Variants in ASIC2 observed in about 807,000 individuals in gnomAD.
The protein encoded by ASIC2 is acid sensing ion channel subunit 2, also known as acid-sensing ion channel 2.
A neutral mutation model predicts 57.3 loss-of-function variants in ASIC2; 25 were observed. The observed-to-expected ratio is 0.44, with a 90% CI of 0.32 to 0.61. The LOEUF (loss-of-function observed/expected upper bound fraction) is 0.61. ASIC2 is among the 20% of genes least tolerant of loss of function. The pLI, the probability that ASIC2 is intolerant of heterozygous loss-of-function variation, is 0.06. For missense variants in ASIC2, 641 were observed against 738.1 expected (o/e 0.87, Z 1.52); for synonymous variants, 319 against 307.5 (o/e 1.04, Z -0.39).
At chr17:33,262,148 T>C (rs921358232) in intron 1 of ASIC2, among the ~76,000 whole-genome samples, 2 of 152,226 alleles carry the variant, frequency 1.3e-5, no homozygotes, top group African/African-American at 4.8e-5. Flanking sequence ...CTCCCAGTGC[T>C]GCTTCAAAAG....
intron 1 of ASIC2, among the ~76,000 whole-genome samples, chr17:33,550,294 C>T (rs1170979488): frequency 6.6e-6 from 1 of 152,236 alleles, no homozygotes; most frequent in African/African-American, 2.4e-5. Flanking sequence ...GCAATATCTC[C>T]TTTGCAAGTT....
intron 1 of ASIC2, among the ~76,000 whole-genome samples, chr17:33,740,601 G>A (rs989062209): frequency 1.1e-4 from 17 of 152,068 alleles, no homozygotes; most frequent in Non-Finnish European, 1.5e-4. Flanking sequence ...ATTTGGGTGC[G>A]GACACAGCCA....
At chr17:33,832,718 C>T (rs1317274452) in intron 1 of ASIC2, among the ~76,000 whole-genome samples, 1 of 152,178 alleles carries the variant, frequency 6.6e-6, no homozygotes, top group Non-Finnish European at 1.5e-5. Context: ...TATGTTTTTG[C>T]CACAGGATCC....
intron 1 of ASIC2, among the ~76,000 whole-genome samples, chr17:33,744,098 T>C (rs759349798): frequency 3.3e-5 from 5 of 152,106 alleles, no homozygotes; most frequent in Non-Finnish European, 7.4e-5. Context: ...AAACAGAACA[T>C]GGGGAAGTTC....
chr17:33,013,460 G>A lies in ASIC2; in HGVS notation c.*505C>T, dbSNP rs1253867236. 1.9e-5 allele frequency: 3 copies of A among 155,206 alleles called. No homozygotes were observed. The highest frequency in any genetic ancestry group is 2.9e-5 in the Non-Finnish European group (2 of 69,400). 9.6% of individuals were successfully genotyped at this position (155,206 alleles called of 1,614,324 possible). A position where few individuals can be genotyped will look rare whatever the true frequency, so the allele number is the denominator to read the frequency against. The stretch of plus-strand genomic sequence containing the variant: ...TTGGGGAAAAGGGGGTTTTTGGGCA[G>A]GTTAAGAACTTTCACAAACGACACA... On this transcript the variant is annotated 3_prime_UTR_variant, in exon 10 of 10. Coordinates refer to ENST00000225823, the MANE Select transcript of ASIC2 (RefSeq NM_183377.2).
intron 1 of ASIC2, among the ~76,000 whole-genome samples, chr17:33,607,321 T>A (rs1905255545): frequency 1.3e-5 from 2 of 152,096 alleles, no homozygotes; most frequent in South Asian, 4.1e-4. Flanking sequence ...ACATCAACCC[T>A]GAGGGTGTAA....
intron 1 of ASIC2, among the ~76,000 whole-genome samples, chr17:33,759,296 A>G (rs1910707023): frequency 6.6e-6 from 1 of 152,210 alleles, no homozygotes; most frequent in African/African-American, 2.4e-5. Context: ...GTAACAGAAG[A>G]GCATATCTGG....
intron 1 of ASIC2, among the ~76,000 whole-genome samples, chr17:33,339,898 T>G (rs1215335097): frequency 2.6e-5 from 4 of 152,118 alleles, no homozygotes; most frequent in African/African-American, 9.7e-5. Context: ...GCAAAATCCA[T>G]CACCCGACCC....
chr17:33,848,170 G>T (rs537992192), intron 1 of ASIC2, among the ~76,000 whole-genome samples: 2 of 152,134 alleles, frequency 1.3e-5, no homozygotes, highest in African/African-American at 4.8e-5. Flanking sequence ...GGCAGCCCTA[G>T]ATCAAAGCAG....
At chr17:33,679,058 G>C (rs1907918427) in intron 1 of ASIC2, among the ~76,000 whole-genome samples, 1 of 152,214 alleles carries the variant, frequency 6.6e-6, no homozygotes, top group Non-Finnish European at 1.5e-5. Flanking sequence ...CAACAAGAAT[G>C]TAAGTTTGGG....
chr17:34,019,767 C>T (rs1354610873), intron 1 of ASIC2, among the ~76,000 whole-genome samples: 1 of 152,190 alleles, frequency 6.6e-6, no homozygotes, highest in Non-Finnish European at 1.5e-5. Context: ...TGGAATCAAA[C>T]CCACAATATC....
intron 2 of ASIC2, among the ~76,000 whole-genome samples, chr17:33,097,957 G>A (rs894307103): frequency 2.6e-5 from 4 of 152,152 alleles, no homozygotes; most frequent in Admixed American, 6.5e-5. Context: ...AGGAAAACAC[G>A]GGCTCTGAAA....
intron 1 of ASIC2, among the ~76,000 whole-genome samples, chr17:33,581,932 G>A (rs969366180): frequency 1.1e-4 from 16 of 152,172 alleles, no homozygotes; most frequent in African/African-American, 3.6e-4. Context: ...AGACCCAGGT[G>A]CTATCCTTTT....
chr17:33,938,731 A>C (rs1301237029), intron 1 of ASIC2, among the ~76,000 whole-genome samples: 2 of 152,196 alleles, frequency 1.3e-5, no homozygotes, highest in East Asian at 3.9e-4. Flanking sequence ...GCTGGCCATC[A>C]GTAGGTGCTC....
chr17:34,042,872 G>T (rs892068015), intron 1 of ASIC2, among the ~76,000 whole-genome samples: 2 of 152,020 alleles, frequency 1.3e-5, no homozygotes, highest in Non-Finnish European at 2.9e-5. Context: ...TAATAGCCTC[G>T]AACTAGAAAC....
At chr17:34,109,273 C>T (rs922623733) in intron 1 of ASIC2, among the ~76,000 whole-genome samples, 5 of 152,072 alleles carry the variant, frequency 3.3e-5, no homozygotes, top group African/African-American at 9.7e-5. Flanking sequence ...AGCTCTAGTT[C>T]ATTTATTGTC....
At chr17:34,097,746 G>A (rs1008483884) in intron 1 of ASIC2, among the ~76,000 whole-genome samples, 8 of 152,034 alleles carry the variant, frequency 5.3e-5, no homozygotes, top group African/African-American at 1.9e-4. Context: ...TGGATACAGA[G>A]GCCCAACTAT....
intron 1 of ASIC2, among the ~76,000 whole-genome samples, chr17:33,829,081 G>A (rs555504675): frequency 3.0e-4 from 45 of 152,316 alleles, no homozygotes; most frequent in African/African-American, 1.0e-3. Context: ...AGTTTCCGTT[G>A]ATAGGTTGAC....
At chr17:33,813,590 C>T (rs11658657) in intron 1 of ASIC2, among the ~76,000 whole-genome samples, 52,696 of 151,796 alleles carry the variant, frequency 0.35, 11,534 homozygotes, top group Non-Finnish European at 0.5. Flanking sequence ...GCGCCCGCCA[C>T]CAAGCCCGGC....
Sources: gnomAD v4.1 joint callset for allele counts (sites outside exome capture counted in the v4.1 genomes callset) on GRCh38, gnomAD v4.1.1 for gene constraint, MANE v1.5 for transcripts, NCBI Gene and HGNC (gene_info 2026-07-23, HGNC 2026-07-21) for gene names.